The following NSF variants were observed in gnomAD, a reference collection of about 807,000 sequenced individuals.
NSF encodes the protein vesicle-fusing ATPase.
Under a neutral mutation model 50.3 loss-of-function variants are expected in NSF, and 14 were observed. That is an observed-to-expected ratio of 0.28 (90% confidence interval 0.18 to 0.44). NSF has a LOEUF of 0.44. NSF is among the 20% of genes least tolerant of loss of function. NSF has a pLI of 1.00. For missense variants in NSF, 218 were observed against 504.3 expected, an observed-to-expected ratio of 0.43 and a Z score of 5.44; for synonymous variants, 109 against 175.7, an observed-to-expected ratio of 0.62 and a Z score of 3.00.
intron 15 of NSF, among the ~76,000 whole-genome samples, chr17:46,718,185 C>A (rs995105279): frequency 2.0e-5 from 3 of 152,220 alleles, no homozygotes; most frequent in Non-Finnish European, 4.4e-5. Flanking sequence ...TTGGTGTTTG[C>A]TCTCCCCTGA....
chr17:46,623,350 T>C (rs2058084820), intron 1 of NSF, among the ~76,000 whole-genome samples: 1 of 47,084 alleles, frequency 2.1e-5, no homozygotes. Context: ...CAGCTTTGGC[T>C]TGAGGTTTGA....
At chr17:46,711,159 A>G (rs2058715930) in intron 14 of NSF, 40 bp downstream of exon 14, 1 of 1,454,684 alleles carries the variant, frequency 6.9e-7, no homozygotes, top group Non-Finnish European at 9.1e-7. Flanking sequence ...AGTTAAAGGA[A>G]AAAAAGCAGC....
At chr17:46,734,066 C>G (rs1462053694) in intron 17 of NSF, among the ~76,000 whole-genome samples, 2 of 152,162 alleles carry the variant, frequency 1.3e-5, no homozygotes, top group East Asian at 3.8e-4. Flanking sequence ...GACAACATTG[C>G]TTTCATGTAG....
At chr17:46,717,879 G>A (rs2058789633) in intron 15 of NSF, among the ~76,000 whole-genome samples, 1 of 152,188 alleles carries the variant, frequency 6.6e-6, no homozygotes, top group Non-Finnish European at 1.5e-5. Flanking sequence ...CCGAACTGGA[G>A]CAGCGTTCAG....
At chr17:46,749,151 C>T (rs185940180) in intron 17 of NSF, among the ~76,000 whole-genome samples, 3 of 151,960 alleles carry the variant, frequency 2.0e-5, no homozygotes, top group Admixed American at 6.5e-5. Flanking sequence ...GAAGAAAAGC[C>T]AAGAGAATTG....
intron 14 of NSF, among the ~76,000 whole-genome samples, chr17:46,712,421 T>G (rs1250298511): frequency 6.6e-6 from 1 of 152,168 alleles, no homozygotes; most frequent in East Asian, 1.9e-4. Flanking sequence ...AGATTGGATG[T>G]GGGCAGAGGT....
At chr17:46,753,878 G>A (rs2059207902) in intron 19 of NSF, among the ~76,000 whole-genome samples, 1 of 152,200 alleles carries the variant, frequency 6.6e-6, no homozygotes, top group South Asian at 2.1e-4. Context: ...CCTAAGTGAA[G>A]AGGCATGTAG....
chr17:46,721,539 C>CTG (rs886241523), intron 15 of NSF: 9 of 1,188,640 alleles, frequency 7.6e-6, no homozygotes, highest in East Asian at 7.0e-5. Flanking sequence ...CATTCTTTTT[C>CTG]TGTGTGTGTG....
chr17:46,627,896 A>AG (rs2058110319), intron 3 of NSF, among the ~76,000 whole-genome samples: 1 of 62,414 alleles, frequency 1.6e-5, no homozygotes, highest in African/African-American at 5.8e-5. Flanking sequence ...TAACTTCTTG[A>AG]GGGGCTGAGG....
intron 17 of NSF, among the ~76,000 whole-genome samples, chr17:46,741,049 G>A (rs1309586024): frequency 1.3e-5 from 2 of 152,232 alleles, no homozygotes; most frequent in East Asian, 3.9e-4. Context: ...GGCAAGAGTG[G>A]ACCCCAAATC....
intron 1 of NSF, among the ~76,000 whole-genome samples, chr17:46,621,132 C>T (rs1165183209): frequency 7.1e-6 from 1 of 141,796 alleles, no homozygotes; most frequent in Non-Finnish European, 1.5e-5. Context: ...AGTGGCTACT[C>T]TCTATCTCCC....
At chr17:46,622,340 C>T (rs1027862477) in intron 1 of NSF, among the ~76,000 whole-genome samples, 7 of 149,632 alleles carry the variant, frequency 4.7e-5, no homozygotes, top group Admixed American at 6.7e-5. Flanking sequence ...TACCTGTAGT[C>T]CCAGCTACTT....
intron 15 of NSF, chr17:46,721,455 A>C: frequency 1.6e-6 from 1 of 641,262 alleles, no homozygotes; most frequent in Non-Finnish European, 2.7e-6. Flanking sequence ...TCCTAACTTT[A>C]AGACCCTATA....
chr17:46,751,117 T>C (rs1352259153), intron 18 of NSF, among the ~76,000 whole-genome samples: 1 of 152,200 alleles, frequency 6.6e-6, no homozygotes, highest in Non-Finnish European at 1.5e-5. Flanking sequence ...GTTTTCAGGT[T>C]ACCCATGTAG....
In NSF at chr17:46,743,016, G is replaced by C. The variant is rs553199038; in HGVS notation, c.1909-6757G>C. On this transcript the variant is annotated intron_variant, in intron 17 of 20. Transcript: ENST00000398238. Reference sequence around the variant, plus strand: ...GCCAATTTCCTCCTCAGAAGTTGCTGCCTCTCCCTGAGGCCCCACGCTGCC... The same window carrying C: ...GCCAATTTCCTCCTCAGAAGTTGCTCCCTCTCCCTGAGGCCCCACGCTGCC... Among the ~76,000 whole-genome samples the C allele has an allele frequency of 9.2e-5, 14 of 152,288 alleles. No homozygotes were observed. In the South Asian group the frequency reaches 2.9e-3, roughly 32 times the overall value.
intron 13 of NSF, 133 bp downstream of exon 13, chr17:46,704,987 A>C (rs2058645289): frequency 4.7e-6 from 3 of 635,314 alleles, no homozygotes; most frequent in Non-Finnish European, 5.1e-6. Flanking sequence ...AGAAAATTTT[A>C]GTATTGGAAA....
chr17:46,741,099 G>A (rs909364364), intron 17 of NSF, among the ~76,000 whole-genome samples: 2 of 152,140 alleles, frequency 1.3e-5, no homozygotes, highest in Admixed American at 6.5e-5. Flanking sequence ...AGACAGCAAA[G>A]CATAGTGAAA....
At chr17:46,740,430 T>C (rs2059058026) in intron 17 of NSF, among the ~76,000 whole-genome samples, 1 of 152,124 alleles carries the variant, frequency 6.6e-6, no homozygotes. Context: ...AAAAATTAAA[T>C]TAGAAAGGAG....
intron 13 of NSF, among the ~76,000 whole-genome samples, chr17:46,708,630 T>C (rs1369596343): frequency 2.7e-5 from 4 of 149,730 alleles, no homozygotes; most frequent in Non-Finnish European, 1.5e-5. Flanking sequence ...TAGCTGGGAT[T>C]GTAGGCACCC....
Sources: allele counts gnomAD v4.1 joint callset (sites outside exome capture counted in the v4.1 genomes callset), GRCh38; gene constraint gnomAD v4.1.1; transcripts MANE v1.5; gene names NCBI Gene and HGNC (gene_info 2026-07-23, HGNC 2026-07-21).